The following C2CD3 variants were observed in gnomAD, a reference collection of about 807,000 sequenced individuals.
C2CD3 encodes the protein C2 domain containing 3 centriole elongation regulator, also known as C2 domain-containing protein 3.
Under a neutral mutation model 234.0 loss-of-function variants are expected in C2CD3, and 148 were observed. That is an observed-to-expected ratio of 0.63 (90% confidence interval 0.55 to 0.72). C2CD3 has a LOEUF of 0.72. Ranked by LOEUF, C2CD3 falls within the 30% of genes least tolerant of loss-of-function variation. The pLI is 0.00. For synonymous variants in C2CD3, 1,000 were observed against 1,035.4 expected, an observed-to-expected ratio of 0.97 and a Z score of 0.66; for missense variants, 2,577 against 2,811.5, an observed-to-expected ratio of 0.92 and a Z score of 1.89.
intron 14 of C2CD3, among the ~76,000 whole-genome samples, chr11:74,102,131 TA>T (rs1178230460): frequency 1.3e-4 from 20 of 152,318 alleles, no homozygotes; most frequent in African/African-American, 4.1e-4. Context: ...TAGTATCTAT[TA>T]GACTTGGTAA....
intron 32 of C2CD3, among the ~76,000 whole-genome samples, chr11:74,023,656 C>T (rs1485538553): frequency 6.6e-6 from 1 of 152,004 alleles, no homozygotes; most frequent in Admixed American, 6.5e-5. Flanking sequence ...TTTCTTTTCC[C>T]CCTCTCCTTT....
intron 23 of C2CD3, among the ~76,000 whole-genome samples, chr11:74,076,539 A>G (rs898700570): frequency 6.6e-6 from 1 of 152,222 alleles, no homozygotes; most frequent in Admixed American, 6.5e-5. Flanking sequence ...TTCAGGAACC[A>G]TTGTGCTAGT....
chr11:74,142,975 C>A (rs1414278434), intron 3 of C2CD3, among the ~76,000 whole-genome samples: 5 of 151,986 alleles, frequency 3.3e-5, no homozygotes, highest in Non-Finnish European at 7.4e-5. Flanking sequence ...TTTAAATGTC[C>A]CCATTTCCTC....
chr11:74,045,476 G>A (rs1046433381), intron 28 of C2CD3, among the ~76,000 whole-genome samples: 1 of 152,178 alleles, frequency 6.6e-6, no homozygotes, highest in African/African-American at 2.4e-5. Context: ...GTAGATCAAC[G>A]TGGAGAATAT....
Position 74,021,653 on chromosome 11 carries a change from A to C in C2CD3, c.6921+6634T>G, listed in dbSNP as rs567523966. 3.4e-4 allele frequency among the ~76,000 whole-genome samples: 52 copies of C among 152,330 alleles called. No individual in the cohort carries two copies. The South Asian group carries it at 0.011, about 32-fold the overall frequency. ...CTGTGTCACATGCAATCAGGCACTGAGATTTGATAATTGACTTAGGAATAT... is the reference window on the plus strand; with the variant it reads ...CTGTGTCACATGCAATCAGGCACTGCGATTTGATAATTGACTTAGGAATAT... On this transcript the variant is annotated intron_variant, in intron 32 of 32. Transcript: ENST00000334126.
intron 5 of C2CD3, among the ~76,000 whole-genome samples, chr11:74,136,094 A>G (rs1957854551): frequency 1.3e-5 from 2 of 151,952 alleles, no homozygotes; most frequent in African/African-American, 4.8e-5. Flanking sequence ...AAACCTGCAT[A>G]TATACCTCCT....
At position 74,138,729 on chromosome 11, in the gene C2CD3, G is replaced by C. The variant is rs569820702; in HGVS notation, c.946C>G (p.Leu316Val). ...ACAAATACATACATACCTGAAAGAA[G>C]ATCCTTGGTAGGGAGGTTGTTTGAA... ...LSSNNLPTKD[L>V]LSALLEQGNK... The change falls in exon 5 of 33, where the codon CTT (leucine) becomes GTT (valine). Residue 316 changes from leucine to valine, a missense_variant. Transcript: ENST00000334126. 2.0e-4 allele frequency: 328 copies of C among 1,612,410 alleles called. 7 individuals are homozygous for C. The South Asian group carries it at 3.4e-3, about 17-fold the overall frequency.
rs1955657908 is a variant in C2CD3 at position 74,086,717 on chromosome 11, A to G, written c.3642-831T>C. Among the ~76,000 whole-genome samples the G allele has an allele frequency of 1.3e-5, 2 of 152,184 alleles. 1 individual carries two copies. Among genetic ancestry groups the G allele is most frequent in the South Asian group, 4.1e-4 (2 of 4,828 alleles). Reference sequence around the variant, plus strand: ...ATGGAATCTACACGCCTTTAACGACACTCATAAAGAGTAGTCAAGTCATTT... The same window carrying G: ...ATGGAATCTACACGCCTTTAACGACGCTCATAAAGAGTAGTCAAGTCATTT... On this transcript the variant is annotated intron_variant, in intron 20 of 32. Transcript: ENST00000334126.
chr11:74,054,820 T>C, intron 25 of C2CD3, 149 bp from the exon 26 acceptor site: 1 of 546,078 alleles, frequency 1.8e-6, no homozygotes, highest in Non-Finnish European at 3.2e-6. Context: ...ATTTTTATCT[T>C]CACAGTTAAA....
At chr11:74,119,030 C>T (rs1957125008) in intron 8 of C2CD3, among the ~76,000 whole-genome samples, 1 of 151,890 alleles carries the variant, frequency 6.6e-6, no homozygotes, top group Non-Finnish European at 1.5e-5. Context: ...TTACCTCAGC[C>T]TCCCAAGTAG....
In C2CD3 at chr11:74,138,653, T is replaced by C; in HGVS notation, c.955+67A>G. On this transcript the variant is annotated intron_variant, in intron 5 of 32. Coordinates refer to ENST00000334126, the MANE Select transcript of C2CD3 (RefSeq NM_001286577.2). Reference sequence around the variant, plus strand: ...AAGAGTCTTGGTTCTCTTTGTAGGCTGGCTAACAAGCAGAGCAATCCCATA... The same window carrying C: ...AAGAGTCTTGGTTCTCTTTGTAGGCCGGCTAACAAGCAGAGCAATCCCATA... 2.3e-6 allele frequency: 3 copies of C among 1,282,398 alleles called. No homozygotes were observed. The South Asian group carries it at 3.9e-5, about 17-fold the overall frequency. The allele number at this position is 1,282,398 out of a possible 1,614,324, so 79.4% of individuals were successfully genotyped here. A position where few individuals can be genotyped will look rare whatever the true frequency, so the allele number is the denominator to read the frequency against.
At chr11:74,060,285 G>A (rs867233458) in intron 24 of C2CD3, among the ~76,000 whole-genome samples, 1 of 152,170 alleles carries the variant, frequency 6.6e-6, no homozygotes, top group Non-Finnish European at 1.5e-5. Context: ...CTCCCAGCAC[G>A]GAGTTTGAGA....
chr11:74,108,905 T>C (rs1956638212), intron 12 of C2CD3, 129 bp downstream of exon 12: 1 of 423,628 alleles, frequency 2.4e-6, no homozygotes, highest in South Asian at 5.4e-5. Flanking sequence ...ATAATAATAA[T>C]AATAATAACA....
chr11:74,151,070 C>T (rs181605657), intron 3 of C2CD3, among the ~76,000 whole-genome samples: 38 of 151,958 alleles, frequency 2.5e-4, no homozygotes, highest in African/African-American at 8.7e-4. Context: ...GGATTATAGA[C>T]GCCCACCATC....
Position 74,092,243 on chromosome 11 carries a change from C to T in C2CD3, c.3517+173G>A, listed in dbSNP as rs578160481. Among the ~76,000 whole-genome samples the T allele has an allele frequency of 1.3e-4, 19 of 151,868 alleles. No homozygotes were observed. The South Asian group carries it at 2.5e-3, about 20-fold the overall frequency. ...AATTTTTTTGTATTTTTGGTAGAGA[C>T]GGGGTTTCTCCATGTTGGTCAGGCT... On this transcript the variant is annotated intron_variant, in intron 19 of 32. Coordinates refer to ENST00000334126, the MANE Select transcript of C2CD3 (RefSeq NM_001286577.2).
intron 14 of C2CD3, 134 bp from the exon 15 acceptor site, chr11:74,100,810 T>TA: frequency 1.4e-6 from 1 of 691,242 alleles, no homozygotes; most frequent in Non-Finnish European, 2.3e-6. Flanking sequence ...GACATTCAAA[T>TA]AAAACTTACT....
chr11:74,095,375 A>G lies in C2CD3; in HGVS notation c.3013T>C (p.Cys1005Arg). The change falls in exon 17 of 33, where the codon TGC (cysteine) becomes CGC (arginine). Residue 1005 changes from cysteine (C) to arginine (R), a missense_variant. Coordinates refer to ENST00000334126, the MANE Select transcript of C2CD3 (RefSeq NM_001286577.2). ...EDRGNGLMEHCFEIHIEMVKG... is the reference protein window; with the variant it reads ...EDRGNGLMEHRFEIHIEMVKG... ...ACCATCTCTATATGGATCTCAAAGC[A>G]GTGCTCCATCAGTCCATTTCCTCGG... 1 of 1,613,516 alleles carries G rather than the reference A, an allele frequency of 6.2e-7. No homozygotes were observed. The highest frequency in any genetic ancestry group is 2.2e-5 in the East Asian group (1 of 44,850).
intron 7 of C2CD3, among the ~76,000 whole-genome samples, chr11:74,124,327 C>A (rs1957327603): frequency 6.6e-6 from 1 of 151,974 alleles, no homozygotes; most frequent in Non-Finnish European, 1.5e-5. Context: ...AGACAGTGTT[C>A]TTATATTATT....
chr11:74,066,405 C>T (rs557725881), intron 24 of C2CD3, among the ~76,000 whole-genome samples: 1 of 151,048 alleles, frequency 6.6e-6, no homozygotes. Flanking sequence ...TGCACATGTA[C>T]CCTAGAACTT....
Sources: gnomAD v4.1 joint callset for allele counts (sites outside exome capture counted in the v4.1 genomes callset) on GRCh38, gnomAD v4.1.1 for gene constraint, MANE v1.5 for transcripts, NCBI Gene and HGNC (gene_info 2026-07-23, HGNC 2026-07-21) for gene names.